Variants in NPAS3 observed in about 807,000 individuals in gnomAD.
NPAS3 encodes the protein neuronal PAS domain-containing protein 3.
A neutral mutation model predicts 73.1 loss-of-function variants in NPAS3; 14 were observed. That is an observed-to-expected ratio of 0.19 (90% CI 0.13 to 0.30). The LOEUF (loss-of-function observed/expected upper bound fraction) is 0.30, where lower values mean the gene tolerates loss of function less well. Among genes scored for constraint, NPAS3 ranks in the 10% least tolerant of loss-of-function variants. The pLI is 1.00. For synonymous variants in NPAS3, 620 were observed against 541.5 expected (o/e 1.14, Z -2.01); for missense variants, 1,096 against 1,250.0 (o/e 0.88, Z 1.86).
intron 3 of NPAS3, among the ~76,000 whole-genome samples, chr14:33,336,841 G>A (rs2044249261): frequency 6.7e-6 from 1 of 149,778 alleles, no homozygotes; most frequent in Admixed American, 6.7e-5. Context: ...TGATACTGTG[G>A]ACCATCTTTT....
In NPAS3 at chr14:33,710,225, T is replaced by C. The variant is rs141368955; in HGVS notation, c.734-24989T>C. On this transcript the variant is annotated intron_variant, in intron 6 of 11. Coordinates refer to ENST00000356141, the Ensembl canonical transcript of NPAS3. ...TGAGCAGAACGCCAATTCCAATCTC[T>C]AATTAAAAAATAGATCAGAACACAG... Among the ~76,000 whole-genome samples, 510 of 152,326 alleles carry C rather than the reference T, an allele frequency of 3.3e-3. 1 individual carries two copies. The highest frequency in any genetic ancestry group is 6.8e-3 in the Middle Eastern group (2 of 294).
At chr14:33,736,701 T>C (rs1271277163) in intron 7 of NPAS3, among the ~76,000 whole-genome samples, 2 of 152,208 alleles carry the variant, frequency 1.3e-5, no homozygotes, top group African/African-American at 4.8e-5. Flanking sequence ...TTAGGAACCA[T>C]GGGGCTTCCT....
At position 33,731,290 on chromosome 14, in the gene NPAS3, G is replaced by A. The variant is rs532083419; in HGVS notation, c.734-3924G>A. On this transcript the variant is annotated intron_variant, in intron 6 of 11. Coordinates refer to ENST00000356141, the Ensembl canonical transcript of NPAS3. ...AAAAAATAGCCAGGTGTGGTGGCAC[G>A]CACTTGTGATCCCAGCTACTCAGGA... Among the ~76,000 whole-genome samples the A allele has an allele frequency of 8.6e-5, 13 of 151,956 alleles. No individual in the cohort carries two copies. The East Asian group carries it at 2.3e-3, about 27-fold the overall frequency.
chr14:33,329,017 T>A (rs2140268387), intron 3 of NPAS3, among the ~76,000 whole-genome samples: 1 of 151,730 alleles, frequency 6.6e-6, no homozygotes, highest in East Asian at 1.9e-4. Context: ...TTTTTCTCTA[T>A]TTTTTTTGGC....
At chr14:33,787,543 CAGTA>C (rs2063215203) in intron 9 of NPAS3, among the ~76,000 whole-genome samples, 1 of 149,176 alleles carries the variant, frequency 6.7e-6, no homozygotes, top group Admixed American at 6.7e-5. Context: ...TCATAACTCA[CAGTA>C]AGTATCAAAT....
chr14:33,208,882 G>A (rs572885316), intron 2 of NPAS3, among the ~76,000 whole-genome samples: 4 of 152,164 alleles, frequency 2.6e-5, no homozygotes, highest in African/African-American at 7.2e-5. Context: ...CTTTACTGAC[G>A]TGTTTCTGCA....
chr14:33,632,164 T>A (rs760431097), intron 5 of NPAS3, among the ~76,000 whole-genome samples: 5 of 152,194 alleles, frequency 3.3e-5, no homozygotes, highest in Non-Finnish European at 7.3e-5. Flanking sequence ...CTTAAAGAAC[T>A]AGTTGGTGAC....
At chr14:33,602,677 T>C (rs199783476) in intron 5 of NPAS3, among the ~76,000 whole-genome samples, 1 of 152,096 alleles carries the variant, frequency 6.6e-6, no homozygotes, top group Non-Finnish European at 1.5e-5. Flanking sequence ...TTGGTGGTGG[T>C]GGTGGTTTGT....
chr14:33,800,681 G>A lies in NPAS3; in HGVS notation c.2374G>A (p.Ala792Thr), dbSNP rs1486135082. The A allele has an allele frequency of 1.3e-6, 2 of 1,544,808 alleles. No individual in the cohort carries two copies. The highest frequency in any genetic ancestry group is 2.4e-5 in the East Asian group (1 of 41,016). Residue 792 changes from alanine (A) to threonine (T), a missense_variant, in exon 12 of 12, where the codon GCG becomes ACG. By Grantham distance (58) the Ala-to-Thr change is moderately conservative (BLOSUM62 0). Coordinates refer to ENST00000356141, the Ensembl canonical transcript of NPAS3. This position sits in a 1 kb window ranked among gnomAD's most constrained non-coding sequence, Gnocchi z 6.5. ...CTTGCTGTACACTGGGGACCTGGAG[G>A]CGCTGCAGAGGTTGCAGGCGGGCAA...
chr14:33,317,602 A>T (rs1468927299), intron 3 of NPAS3, among the ~76,000 whole-genome samples: 1 of 152,018 alleles, frequency 6.6e-6, no homozygotes, highest in African/African-American at 2.4e-5. Context: ...GTGAGTTCTC[A>T]TGAGATCTGA....
intron 1 of NPAS3, among the ~76,000 whole-genome samples, chr14:33,051,545 T>A (rs2040712369): frequency 6.6e-6 from 1 of 152,096 alleles, no homozygotes; most frequent in South Asian, 2.1e-4. Flanking sequence ...AATTTTGTTT[T>A]GTGTGATTGA....
intron 2 of NPAS3, among the ~76,000 whole-genome samples, chr14:33,096,350 T>A (rs930648661): frequency 6.6e-6 from 1 of 152,172 alleles, no homozygotes; most frequent in African/African-American, 2.4e-5. Context: ...TAGGTGTATT[T>A]CATGCTTCCA....
intron 4 of NPAS3, among the ~76,000 whole-genome samples, chr14:33,414,313 G>A (rs2048058624): frequency 6.6e-6 from 1 of 152,116 alleles, no homozygotes; most frequent in South Asian, 2.1e-4. Context: ...GGGAAAAAAA[G>A]TAGAAATCTT....
intron 3 of NPAS3, among the ~76,000 whole-genome samples, chr14:33,273,537 G>T (rs551015715): frequency 6.6e-6 from 1 of 152,238 alleles, no homozygotes; most frequent in East Asian, 1.9e-4. Flanking sequence ...TTTTTTTAAA[G>T]TAAACATTCA....
At chr14:33,316,265 A>AT (rs2043204710) in intron 3 of NPAS3, among the ~76,000 whole-genome samples, 3 of 152,202 alleles carry the variant, frequency 2.0e-5, no homozygotes, top group Admixed American at 1.3e-4. Flanking sequence ...AAGTCAACAG[A>AT]TTTTTTTAAA....
rs372320256 is a variant in NPAS3 at position 33,183,121 on chromosome 14, T to C, written c.141-32061T>C. On this transcript the variant is annotated intron_variant, in intron 2 of 11. Transcript: ENST00000356141. Reference sequence around the variant, plus strand: ...TTGCCACTACTTCTTTAACTCTCGATGTACCTTAGAAATCCATTCTTGGGC... The same window carrying C: ...TTGCCACTACTTCTTTAACTCTCGACGTACCTTAGAAATCCATTCTTGGGC... Among the ~76,000 whole-genome samples, 3 of 152,308 alleles carry C rather than the reference T, an allele frequency of 2.0e-5. No individual in the cohort carries two copies. In the South Asian group the frequency reaches 6.2e-4, roughly 32 times the overall value.
At chr14:33,463,696 G>C (rs912443229) in intron 4 of NPAS3, among the ~76,000 whole-genome samples, 2 of 152,162 alleles carry the variant, frequency 1.3e-5, no homozygotes, top group Admixed American at 6.5e-5. Context: ...CTGGAGTCAG[G>C]AATGTGTAGC....
At chr14:33,626,576 T>C (rs1325483980) in intron 5 of NPAS3, among the ~76,000 whole-genome samples, 1 of 152,204 alleles carries the variant, frequency 6.6e-6, no homozygotes, top group Non-Finnish European at 1.5e-5. Context: ...AAGCACAGAA[T>C]GACAACATCA....
chr14:33,016,244 A>G (rs1441256646), intron 1 of NPAS3, among the ~76,000 whole-genome samples: 3 of 152,190 alleles, frequency 2.0e-5, no homozygotes, highest in Admixed American at 6.5e-5. Flanking sequence ...GCAGATTTTT[A>G]AACAATCCAA....
Sources: gnomAD v4.1 joint callset for allele counts (sites outside exome capture counted in the v4.1 genomes callset) on GRCh38, gnomAD v4.1.1 for gene constraint, Gnocchi (gnomAD v3.1) non-coding constraint, MANE v1.5 for transcripts, NCBI Gene and HGNC (gene_info 2026-07-23, HGNC 2026-07-21) for gene names.